The following ANKS1A variants were observed in gnomAD, a reference collection of about 807,000 sequenced individuals.
The protein encoded by ANKS1A is ankyrin repeat and sterile alpha motif domain containing 1A, also known as ankyrin repeat and SAM domain-containing protein 1A.
In ANKS1A, 55 loss-of-function variants were observed where a neutral mutation model predicts 120.3. That is an observed-to-expected ratio of 0.46 (90% CI 0.37 to 0.57). The LOEUF is 0.57. ANKS1A is among the 20% of genes least tolerant of loss of function. The pLI is 0.00. For synonymous variants in ANKS1A, 590 were observed against 604.7 expected (o/e 0.98, Z 0.36); for missense variants, 1,123 against 1,480.3 (o/e 0.76, Z 3.96).
chr6:35,069,419 G>A (rs1776962278), intron 13 of ANKS1A, among the ~76,000 whole-genome samples: 1 of 151,986 alleles, frequency 6.6e-6, no homozygotes, highest in Non-Finnish European at 1.5e-5. Flanking sequence ...AGTAACTTAG[G>A]TCTCTTGGTA....
chr6:35,085,308 C>T lies in ANKS1A; in HGVS notation c.3133-458C>T, dbSNP rs145440038. On this transcript the variant is annotated intron_variant, in intron 21 of 23. Coordinates refer to ENST00000360359, the MANE Select transcript of ANKS1A (RefSeq NM_015245.3). This position sits in a 1 kb window ranked among gnomAD's most constrained non-coding sequence, Gnocchi z 4.7. ...CCACATACACTCAGTTCTGCTGTAA[C>T]GCCACACATACGCTCCTAACAATCA... 3.3e-5 allele frequency among the ~76,000 whole-genome samples: 5 copies of T among 152,312 alleles called. No homozygotes were observed. The highest frequency in any genetic ancestry group is 1.9e-4 in the East Asian group (1 of 5,186).
chr6:35,088,249 A>G (rs1484502487), intron 23 of ANKS1A, among the ~76,000 whole-genome samples: 1 of 152,214 alleles, frequency 6.6e-6, no homozygotes, highest in Non-Finnish European at 1.5e-5. Flanking sequence ...CCCATTCTCC[A>G]GTGTGGGCAA....
chr6:34,993,697 G>C (rs190622447), intron 9 of ANKS1A, among the ~76,000 whole-genome samples: 9 of 152,246 alleles, frequency 5.9e-5, no homozygotes, highest in Admixed American at 2.0e-4. Context: ...GTCAAATGTT[G>C]AGGGTCAGTT....
At chr6:34,924,782 G>T (rs1186982388) in intron 1 of ANKS1A, among the ~76,000 whole-genome samples, 1 of 152,120 alleles carries the variant, frequency 6.6e-6, no homozygotes, top group African/African-American at 2.4e-5. Flanking sequence ...TTGAGGCAGG[G>T]TCTTGCTCTG....
intron 1 of ANKS1A, among the ~76,000 whole-genome samples, chr6:34,910,938 G>C (rs1767880459): frequency 6.6e-6 from 1 of 152,080 alleles, no homozygotes; most frequent in Non-Finnish European, 1.5e-5. Context: ...ACATAAAATG[G>C]GAGAGTGGGG....
chr6:35,069,707 A>ATG (rs1776979005), intron 13 of ANKS1A, among the ~76,000 whole-genome samples: 1 of 47,358 alleles, frequency 2.1e-5, no homozygotes, highest in Non-Finnish European at 5.1e-5. Context: ...TACCTGGCTA[A>ATG]TATATATATA....
intron 13 of ANKS1A, among the ~76,000 whole-genome samples, chr6:35,065,979 C>T (rs959669449): frequency 4.6e-5 from 7 of 152,294 alleles, no homozygotes; most frequent in African/African-American, 1.4e-4. Context: ...ATGGGGGAAG[C>T]TCAGGAGAAC....
chr6:34,993,571 A>T (rs1201049504), intron 9 of ANKS1A, among the ~76,000 whole-genome samples: 2 of 152,252 alleles, frequency 1.3e-5, no homozygotes, highest in African/African-American at 2.4e-5. Flanking sequence ...TTGTATTAAC[A>T]TAAAGGTTGT....
rs557401265 is a variant in ANKS1A at position 35,069,223 on chromosome 6, GCTTT to G, written c.2184+8973_2184+8976del. On this transcript the variant is annotated intron_variant, in intron 13 of 23. Coordinates refer to ENST00000360359, the MANE Select transcript of ANKS1A (RefSeq NM_015245.3). ...AAGAGTGACATCCCCCACACACTAG[GCTTT>G]CTGATTGTGGTTATGAATGAAGCCT... Among the ~76,000 whole-genome samples, 12 of 152,186 alleles carry G rather than the reference GCTTT, an allele frequency of 7.9e-5. No individual in the cohort carries two copies. In the East Asian group the frequency reaches 2.3e-3, roughly 29 times the overall value.
At chr6:35,020,337 G>A (rs1176200415) in intron 11 of ANKS1A, among the ~76,000 whole-genome samples, 2 of 152,190 alleles carry the variant, frequency 1.3e-5, no homozygotes, top group Non-Finnish European at 2.9e-5. Flanking sequence ...GTAAACTAGA[G>A]ATGATTTAGA....
At chr6:34,921,679 C>T (rs890258572) in intron 1 of ANKS1A, among the ~76,000 whole-genome samples, 2 of 152,180 alleles carry the variant, frequency 1.3e-5, no homozygotes, top group Admixed American at 6.5e-5. Context: ...GGCACAAGGA[C>T]TGCTGAGAGG....
At chr6:34,899,013 G>A (rs757486484) in intron 1 of ANKS1A, among the ~76,000 whole-genome samples, 4 of 152,138 alleles carry the variant, frequency 2.6e-5, no homozygotes, top group Non-Finnish European at 5.9e-5. Flanking sequence ...CAATAGAATG[G>A]TAGGTGTAGT....
At chr6:34,977,078 C>T (rs1040024689) in intron 3 of ANKS1A, among the ~76,000 whole-genome samples, 2 of 152,080 alleles carry the variant, frequency 1.3e-5, no homozygotes, top group Non-Finnish European at 2.9e-5. Context: ...GAATCCAGTC[C>T]AGGATCATAC....
At chr6:35,032,238 T>G (rs539094164) in intron 11 of ANKS1A, among the ~76,000 whole-genome samples, 3 of 152,358 alleles carry the variant, frequency 2.0e-5, no homozygotes, top group Admixed American at 2.0e-4. Flanking sequence ...GAGGCCTCTC[T>G]GCAGTCAGGC....
At chr6:35,092,940 G>A (rs1172360801), downstream of ANKS1A, among the ~76,000 whole-genome samples, 1 of 152,084 alleles carries the variant, frequency 6.6e-6, no homozygotes, top group East Asian at 1.9e-4. Flanking sequence ...CTTTCAAGCT[G>A]GAGCACTTTC....
At position 35,017,830 on chromosome 6, in the gene ANKS1A, G is replaced by A. The variant is rs754404106; in HGVS notation, c.1781G>A (p.Gly594Asp). The change falls in exon 11 of 24, where the codon GGT becomes GAT. Residue 594 changes from glycine to aspartate, a missense_variant. Physicochemically the swap from Gly to Asp is moderately conservative, Grantham distance 94 (BLOSUM62 -1). Coordinates refer to ENST00000360359, the MANE Select transcript of ANKS1A (RefSeq NM_015245.3). ...LTHTASPHPG[G>D]AEEGDRSGAR... Reference sequence around the variant, plus strand: ...CACACAGCATCTCCGCACCCTGGTGGTGCTGAGGAAGGAGACCGGAGTGGG... The same window carrying A: ...CACACAGCATCTCCGCACCCTGGTGATGCTGAGGAAGGAGACCGGAGTGGG... 1.2e-6 allele frequency: 2 copies of A among 1,614,072 alleles called. No homozygotes were observed. The highest frequency in any genetic ancestry group is 1.6e-4 in the Middle Eastern group (1 of 6,084).
In ANKS1A at chr6:35,088,887, GA is replaced by G; in HGVS notation, c.*286del. On this transcript the variant is annotated 3_prime_UTR_variant, in exon 24 of 24. Coordinates refer to ENST00000360359, the MANE Select transcript of ANKS1A (RefSeq NM_015245.3). ...TGTTCAGAACACATTGTTTTTAACA[GA>G]AAAAAAATCTTTTTATAAAATGAAC... 7.1e-7 allele frequency: 1 copy of G among 1,407,822 alleles called. No homozygotes were observed. The highest frequency in any genetic ancestry group is 9.2e-7 in the Non-Finnish European group (1 of 1,083,650). 87.2% of individuals were successfully genotyped at this position (1,407,822 alleles called of 1,614,324 possible). A position where few individuals can be genotyped will look rare whatever the true frequency, so the allele number is the denominator to read the frequency against.
intron 11 of ANKS1A, among the ~76,000 whole-genome samples, chr6:35,045,297 C>T (rs1189033589): frequency 6.6e-6 from 1 of 152,178 alleles, no homozygotes; most frequent in Non-Finnish European, 1.5e-5. Flanking sequence ...TACAGCAGGC[C>T]TCTGTTGATA....
intron 13 of ANKS1A, among the ~76,000 whole-genome samples, chr6:35,076,746 C>G (rs997292538): frequency 1.3e-5 from 2 of 152,180 alleles, no homozygotes; most frequent in African/African-American, 2.4e-5. Flanking sequence ...TCTCCTGCCT[C>G]AGCCTCCCGA....
Sources: gnomAD v4.1 joint callset for allele counts (sites outside exome capture counted in the v4.1 genomes callset) on GRCh38, gnomAD v4.1.1 for gene constraint, Gnocchi (gnomAD v3.1) non-coding constraint, MANE v1.5 for transcripts, NCBI Gene and HGNC (gene_info 2026-07-23, HGNC 2026-07-21) for gene names.